Variants in NID2 observed in about 807,000 individuals in gnomAD.
The protein encoded by NID2 is nidogen 2, also known as nidogen-2.
In NID2, 83 loss-of-function variants were observed where a neutral mutation model predicts 145.4. That is an observed-to-expected ratio of 0.57 (90% confidence interval 0.48 to 0.69). The LOEUF (loss-of-function observed/expected upper bound fraction) is 0.69, where lower values mean the gene tolerates loss of function less well. NID2 is among the 30% of genes least tolerant of loss of function. The pLI is 0.00. For missense variants in NID2, 1,807 were observed against 1,765.7 expected (o/e 1.02, Z -0.42); for synonymous variants, 739 against 701.3 (o/e 1.05, Z -0.85).
At chr14:52,053,411 T>G (rs1054145922) in intron 5 of NID2, among the ~76,000 whole-genome samples, 168 bp downstream of exon 5, 1 of 152,266 alleles carries the variant, frequency 6.6e-6, no homozygotes, top group Admixed American at 6.5e-5. Context: ...AAGATTTATT[T>G]GGCAAAGGAA....
At chr14:52,032,474 T>C (rs1566757242) in intron 9 of NID2, among the ~76,000 whole-genome samples, 1 of 152,182 alleles carries the variant, frequency 6.6e-6, no homozygotes, top group Admixed American at 6.5e-5. Flanking sequence ...GGTTGCCGAG[T>C]TAACTTGAGC....
chr14:52,040,961 G>A lies in NID2; in HGVS notation c.1826-110C>T. ...TACTGCTGTTGGAGATCGTGCCTAA[G>A]GAGATTATCTGATATCTGAGAGTAA... On this transcript the variant is annotated intron_variant, in intron 7 of 21. Coordinates refer to ENST00000216286, the MANE Select transcript of NID2 (RefSeq NM_007361.4). The A allele has an allele frequency of 7.6e-6, 7 of 916,318 alleles. 1 individual carries two copies. In the Admixed American group the frequency reaches 1.1e-4, roughly 15 times the overall value. 56.8% of individuals were successfully genotyped at this position (916,318 alleles called of 1,614,324 possible). A position where few individuals can be genotyped will look rare whatever the true frequency, so the allele number is the denominator to read the frequency against.
chr14:52,012,319 T>C (rs1366262690), intron 16 of NID2, among the ~76,000 whole-genome samples: 1 of 152,150 alleles, frequency 6.6e-6, no homozygotes, highest in African/African-American at 2.4e-5. Flanking sequence ...CTAAAGAAAG[T>C]GTAGTCAGGC....
intron 1 of NID2, 71 bp from the exon 2 acceptor site, chr14:52,068,234 G>T: frequency 6.9e-7 from 1 of 1,443,986 alleles, no homozygotes; most frequent in Non-Finnish European, 9.6e-7. Flanking sequence ...GCGCAGGGAG[G>T]GAAGGGAACT....
chr14:52,040,290 A>C (rs887299126), intron 8 of NID2, among the ~76,000 whole-genome samples: 4 of 151,678 alleles, frequency 2.6e-5, no homozygotes, highest in African/African-American at 9.7e-5. Context: ...TCATCAGCTG[A>C]AACAAGGTTG....
At position 52,040,808 on chromosome 14, in the gene NID2, T is replaced by C; in HGVS notation, c.1869A>G (p.Gly623=). 1 of 1,614,144 alleles carries C rather than the reference T, an allele frequency of 6.2e-7. No homozygotes were observed. Among genetic ancestry groups the C allele is most frequent in the Admixed American group, 1.7e-5 (1 of 60,016 alleles). The change falls in exon 8 of 22, where the codon GGA becomes GGG. Residue 623 remains glycine, a synonymous_variant. Coordinates refer to ENST00000216286, the MANE Select transcript of NID2 (RefSeq NM_007361.4). The part of the protein sequence containing the change: ...THDMEVTFYP[G]EETVRITQTA... ...TTTGAGTGATACGAACCGTCTCCTC[T>C]CCCGGGTAGAATGTAACTTCCATGT...
chr14:52,020,631 A>T (rs1406267428), intron 12 of NID2, among the ~76,000 whole-genome samples: 4 of 152,124 alleles, frequency 2.6e-5, no homozygotes, highest in Admixed American at 6.5e-5. Flanking sequence ...TCGTCTGTAG[A>T]TGCAAAGGAG....
Position 52,010,873 on chromosome 14 carries a change from G to C in NID2, c.3722+3C>G, listed in dbSNP as rs1057188673. 1 of 1,610,988 alleles carries C rather than the reference G, an allele frequency of 6.2e-7. No individual in the cohort carries two copies. Among genetic ancestry groups the C allele is most frequent in the South Asian group, 1.1e-5 (1 of 90,990 alleles). ...AGAGAAGAATTAGGGAAGCCCAGCT[G>C]ACCCTCGGATTGGATCCACAGCGAT... On this transcript the variant is annotated splice_donor_region_variant and intron_variant, in intron 18 of 21. Transcript: ENST00000216286.
chr14:52,013,484 CAGA>C (rs1271989814), intron 16 of NID2, among the ~76,000 whole-genome samples: 1 of 152,206 alleles, frequency 6.6e-6, no homozygotes, highest in African/African-American at 2.4e-5. Flanking sequence ...CGTTCATTAA[CAGA>C]AGTAAATGTA....
chr14:52,068,253 C>A, intron 1 of NID2, 90 bp from the exon 2 acceptor site: 2 of 1,273,974 alleles, frequency 1.6e-6, no homozygotes, highest in Admixed American at 2.1e-5. Flanking sequence ...CTGACTTAGG[C>A]AAAAAGCCTC....
chr14:52,061,778 G>A (rs1228945456), intron 2 of NID2, among the ~76,000 whole-genome samples: 3 of 152,018 alleles, frequency 2.0e-5, no homozygotes, highest in Admixed American at 1.3e-4. Context: ...TTCATTCAGC[G>A]ACCGCTCCTC....
At chr14:52,043,003 C>T in intron 5 of NID2, 72 bp from the exon 6 acceptor site, 7 of 1,430,656 alleles carry the variant, frequency 4.9e-6, no homozygotes, top group East Asian at 2.3e-5. Context: ...GGGGACACAA[C>T]ATCTGCTCCA....
Position 52,060,459 on chromosome 14 carries a change from G to A in NID2, c.535-103C>T, listed in dbSNP as rs550191413. On this transcript the variant is annotated intron_variant, in intron 2 of 21. Transcript: ENST00000216286. Reference sequence around the variant, plus strand: ...CAGAATGCAAGCAAAGCATCATAACGTGCAAAGAACTTCCCCTTTTTCAGG... The same window carrying A: ...CAGAATGCAAGCAAAGCATCATAACATGCAAAGAACTTCCCCTTTTTCAGG... 473 of 602,802 alleles carry A rather than the reference G, an allele frequency of 7.8e-4. 1 individual carries two copies. The highest frequency in any genetic ancestry group is 1.1e-3 in the Non-Finnish European group (435 of 385,920). 37.3% of individuals were successfully genotyped at this position (602,802 alleles called of 1,614,324 possible).
chr14:52,058,535 T>C (rs1174188349), intron 3 of NID2, among the ~76,000 whole-genome samples: 1 of 152,206 alleles, frequency 6.6e-6, no homozygotes, highest in East Asian at 1.9e-4. Flanking sequence ...AGGGAAGGCA[T>C]GAAAGGGGGT....
chr14:52,016,373 T>A (rs1382912330), intron 14 of NID2, among the ~76,000 whole-genome samples: 1 of 152,182 alleles, frequency 6.6e-6, no homozygotes, highest in Non-Finnish European at 1.5e-5. Flanking sequence ...TTTAGATGTA[T>A]AATAGAAATC....
At chr14:52,031,031 A>T (rs1198409279) in intron 9 of NID2, among the ~76,000 whole-genome samples, 1 of 152,210 alleles carries the variant, frequency 6.6e-6, no homozygotes, top group African/African-American at 2.4e-5. Context: ...AGGGTTACAC[A>T]GTCAGAAGAG....
rs749536102 is a variant in NID2 at position 52,027,241 on chromosome 14, G to A, written c.2634C>T (p.Ala878=). The A allele has an allele frequency of 1.3e-6, 2 of 1,582,962 alleles. No homozygotes were observed. The highest frequency in any genetic ancestry group is 1.4e-5 in the African/African-American group (1 of 72,864). ...VHHGGSTFSC[A]CLPGYAGDGH... is the part of the protein sequence containing the mutation. ...CATCGCCGGCATAACCAGGCAGGCA[G>A]GCACAGCTGAACGTGCTGCCTCCAT... is the stretch of plus-strand genomic sequence containing the variant. Residue 878 remains alanine (A), a synonymous_variant, in exon 12 of 22, where the codon GCC becomes GCT. Coordinates refer to ENST00000216286, the MANE Select transcript of NID2 (RefSeq NM_007361.4).
chr14:52,038,764 T>G lies in NID2; in HGVS notation c.2240A>C (p.Gln747Pro). ...ERVLRFAVTN[Q>P]IGPVKEDSDP... is the part of the protein sequence containing the mutation. ...AACCTTACCTTTGACCGGGCCAATT[T>G]GATTGGTCACAGCAAATCTAAGCAC... Residue 747 changes from glutamine (Q) to proline (P), a missense_variant, in exon 9 of 22, where the codon CAA becomes CCA. Gln to Pro is a moderately conservative substitution (Grantham distance 76, BLOSUM62 -1). Transcript: ENST00000216286. 6.3e-7 allele frequency: 1 copy of G among 1,580,032 alleles called. No individual in the cohort carries two copies. Among genetic ancestry groups the G allele is most frequent in the South Asian group, 1.2e-5 (1 of 85,772 alleles).
At chr14:52,046,501 CAAGG>C (rs773318264) in intron 5 of NID2, among the ~76,000 whole-genome samples, 1 of 151,998 alleles carries the variant, frequency 6.6e-6, no homozygotes, top group Non-Finnish European at 1.5e-5. Flanking sequence ...AATTATGAAA[CAAGG>C]AGAGAGAAGA....
Sources: allele counts gnomAD v4.1 joint callset (sites outside exome capture counted in the v4.1 genomes callset), GRCh38; gene constraint gnomAD v4.1.1; transcripts MANE v1.5; gene names NCBI Gene and HGNC (gene_info 2026-07-23, HGNC 2026-07-21).